The following CSPP1 variants were observed in gnomAD, a reference collection of about 807,000 sequenced individuals.
CSPP1 encodes the protein centrosome and spindle pole associated protein 1, also known as centrosome and spindle pole-associated protein 1.
CSPP1 carries 126 observed loss-of-function variants against 164.4 expected under a neutral mutation model. That is an observed-to-expected ratio of 0.77 (90% confidence interval 0.66 to 0.89). The LOEUF is 0.89. CSPP1 is among the 40% of genes least tolerant of loss of function. The probability of loss-of-function intolerance (pLI) is 0.00; values close to 1 mark genes in which losing one functional copy is unlikely to be tolerated. For synonymous variants in CSPP1, 472 were observed against 476.7 expected (o/e 0.99, Z 0.13); for missense variants, 1,395 against 1,449.8 (o/e 0.96, Z 0.61).
chr8:67,107,647 A>T (rs1364190927), intron 9 of CSPP1, among the ~76,000 whole-genome samples: 1 of 152,214 alleles, frequency 6.6e-6, no homozygotes, highest in Admixed American at 6.5e-5. Flanking sequence ...GAGACAGGAC[A>T]TTCCATCTTC....
chr8:67,150,139 A>G (rs975675340), intron 18 of CSPP1, among the ~76,000 whole-genome samples: 4 of 151,910 alleles, frequency 2.6e-5, no homozygotes, highest in African/African-American at 9.7e-5. Flanking sequence ...ACTTCTTCCT[A>G]CTGTGTTTCT....
intron 19 of CSPP1, among the ~76,000 whole-genome samples, 162 bp from the exon 20 acceptor site, chr8:67,158,285 G>T (rs1563703077): frequency 6.6e-6 from 1 of 152,126 alleles, no homozygotes; most frequent in East Asian, 1.9e-4. Context: ...TAACAGTACA[G>T]TAAATCATGT....
At position 67,167,259 on chromosome 8, in the gene CSPP1, C is replaced by T. The variant is rs186168109; in HGVS notation, c.2828+2751C>T. Among the ~76,000 whole-genome samples, 122 of 152,330 alleles carry T rather than the reference C, an allele frequency of 8.0e-4. 1 individual carries two copies. Among genetic ancestry groups the T allele is most frequent in the African/African-American group, 2.7e-3 (111 of 41,578 alleles). ...TGGGTACACCTCCCAGACGGGGTGGCGGCTGGGCAGAGGGGCTCCTCACTT... is the reference window on the plus strand; with the variant it reads ...TGGGTACACCTCCCAGACGGGGTGGTGGCTGGGCAGAGGGGCTCCTCACTT... On this transcript the variant is annotated intron_variant, in intron 24 of 30. Coordinates refer to ENST00000678616, the MANE Select transcript of CSPP1 (RefSeq NM_001382391.1).
intron 1 of CSPP1, among the ~76,000 whole-genome samples, chr8:67,070,355 C>G (rs1402409589): frequency 6.7e-6 from 1 of 150,308 alleles, no homozygotes; most frequent in Non-Finnish European, 1.5e-5. Context: ...CTCAGCTACT[C>G]GGGAGGCTGA....
chr8:67,101,540 G>A (rs1001753864), intron 7 of CSPP1, among the ~76,000 whole-genome samples: 10 of 152,172 alleles, frequency 6.6e-5, no homozygotes, highest in African/African-American at 2.4e-4. Flanking sequence ...AGTGGTAGAA[G>A]TAGGGAATGA....
rs1004840374 is a variant in CSPP1, at chr8:67,186,881, A to G, written c.3221-3769A>G. Among the ~76,000 whole-genome samples the G allele has an allele frequency of 7.9e-5, 12 of 152,234 alleles. No individual in the cohort carries two copies. In the East Asian group the frequency reaches 2.1e-3, roughly 27 times the overall value. On this transcript the variant is annotated intron_variant, in intron 28 of 30. Transcript: ENST00000678616. The stretch of plus-strand genomic sequence containing the variant: ...TCACTTTACAATATGCCAGCAATGT[A>G]CAAGTGAAATTTGAAATTAAAAATT...
rs1281359265 is a variant in CSPP1, at chr8:67,175,639, A to G, written c.3109+203A>G. 5 of 689,728 alleles carry G rather than the reference A, an allele frequency of 7.2e-6. No individual in the cohort carries two copies. The African/African-American group carries it at 8.8e-5, about 12-fold the overall frequency. 42.7% of individuals were successfully genotyped at this position (689,728 alleles called of 1,614,324 possible). A position where few individuals can be genotyped will look rare whatever the true frequency, so the allele number is the denominator to read the frequency against. On this transcript the variant is annotated intron_variant, in intron 26 of 30. Transcript: ENST00000678616. ...GTGGCTCCACTAGGGTGGTGTATTC[A>G]TGCATGAGAGGGGCCCAGTCATTCA...
chr8:67,142,127 C>G (rs1235159943), intron 17 of CSPP1, among the ~76,000 whole-genome samples: 2 of 152,132 alleles, frequency 1.3e-5, no homozygotes, highest in Non-Finnish European at 1.5e-5. Flanking sequence ...AAATATTTCT[C>G]ATTTTAATTA....
At chr8:67,073,779 T>C (rs911609883) in intron 1 of CSPP1, among the ~76,000 whole-genome samples, 12 of 152,216 alleles carry the variant, frequency 7.9e-5, no homozygotes, top group African/African-American at 2.9e-4. Flanking sequence ...ATGGAGAGAA[T>C]GACCTTGTGT....
rs1227416562 is a variant in CSPP1, at chr8:67,165,701, C to T, written c.2828+1193C>T. On this transcript the variant is annotated intron_variant, in intron 24 of 30. Transcript: ENST00000678616. Reference sequence around the variant, plus strand: ...TGGAAAGAAGAGCACAGGCATTGTTCTGACATCACATCATCACATTGTATC... The same window carrying T: ...TGGAAAGAAGAGCACAGGCATTGTTTTGACATCACATCATCACATTGTATC... Among the ~76,000 whole-genome samples, 5 of 152,220 alleles carry T rather than the reference C, an allele frequency of 3.3e-5. 1 individual carries two copies. The highest frequency in any genetic ancestry group is 1.2e-4 in the African/African-American group (5 of 41,452).
At chr8:67,151,207 G>C (rs917879177) in intron 18 of CSPP1, among the ~76,000 whole-genome samples, 2 of 152,082 alleles carry the variant, frequency 1.3e-5, no homozygotes, top group African/African-American at 4.8e-5. Context: ...TGCTTTCTTT[G>C]TTCTACAATA....
chr8:67,159,846 CTTTCTTTTTCTT>C (rs1340955382), intron 21 of CSPP1, among the ~76,000 whole-genome samples: 7 of 121,050 alleles, frequency 5.8e-5, no homozygotes, highest in Non-Finnish European at 9.5e-5. Context: ...TTCTTTCTTT[CTTTCTTTTTCTT>C]TCTTTCTTTC....
rs528357182 is a variant in CSPP1, at chr8:67,158,977, TTTTTA to T, written c.2392-8_2392-4del. 843 of 1,582,104 alleles carry T rather than the reference TTTTTA, an allele frequency of 5.3e-4. 3 individuals carry two copies. The highest frequency in any genetic ancestry group is 4.9e-3 in the Middle Eastern group (28 of 5,668). On this transcript the variant is annotated splice_polypyrimidine_tract_variant and intron_variant, in intron 20 of 30. Transcript: ENST00000678616. ...GGAATATATGGAATGCATATTTCTCTTTTTATTTTAAAGCAAAGGCTAAAAAATGA... is the reference window on the plus strand; with the variant it reads ...GGAATATATGGAATGCATATTTCTCTTTTTAAAGCAAAGGCTAAAAAATGA...
At chr8:67,106,131 A>G (rs548562485) in intron 9 of CSPP1, among the ~76,000 whole-genome samples, 156 bp downstream of exon 9, 3 of 152,270 alleles carry the variant, frequency 2.0e-5, no homozygotes, top group Non-Finnish European at 2.9e-5. Flanking sequence ...TAATCATTTA[A>G]CATATATAGC....
In CSPP1 at chr8:67,195,444, A is replaced by G. The variant is rs776007873; in HGVS notation, c.3532A>G (p.Asn1178Asp). Reference protein sequence around the residue: ...IMKHIGDDGSNSVATEPWLRP... With the variant: ...IMKHIGDDGSDSVATEPWLRP... ...GAAACACATAGGGGATGACGGATCA[A>G]ACTCTGTAGCAACTGAGCCCTGGCT... is the stretch of plus-strand genomic sequence containing the variant. The change falls in exon 31 of 31, where the codon AAC becomes GAC. Residue 1178 changes from asparagine (N) to aspartate (D), a missense_variant. Physicochemically the swap from Asn to Asp is conservative, Grantham distance 23 (BLOSUM62 1). Transcript: ENST00000678616. 29 of 1,614,094 alleles carry G rather than the reference A, an allele frequency of 1.8e-5. No individual in the cohort carries two copies. Among genetic ancestry groups the G allele is most frequent in the Middle Eastern group, 1.6e-4 (1 of 6,078 alleles).
chr8:67,188,856 C>T (rs1835410702), intron 28 of CSPP1, among the ~76,000 whole-genome samples: 1 of 152,164 alleles, frequency 6.6e-6, no homozygotes, highest in South Asian at 2.1e-4. Flanking sequence ...CACTGGGTTC[C>T]ACGGTTCTCT....
chr8:67,103,142 T>C lies in CSPP1; in HGVS notation c.1022+7T>C. The C allele has an allele frequency of 1.3e-6, 2 of 1,510,322 alleles. No individual in the cohort carries two copies. Among genetic ancestry groups the C allele is most frequent in the Non-Finnish European group, 1.8e-6 (2 of 1,087,288 alleles). The allele number at this position is 1,510,322 out of a possible 1,614,324, so 93.6% of individuals were successfully genotyped here. A position where few individuals can be genotyped will look rare whatever the true frequency, so the allele number is the denominator to read the frequency against. Reference sequence around the variant, plus strand: ...CATCTGCTGAAAATAAAAGGTACAGTATGTAATATAAATTCTCTGCTTTAG... The same window carrying C: ...CATCTGCTGAAAATAAAAGGTACAGCATGTAATATAAATTCTCTGCTTTAG... On this transcript the variant is annotated splice_region_variant and intron_variant, in intron 8 of 30. Transcript: ENST00000678616.
intron 3 of CSPP1, chr8:67,080,892 G>A (rs763569020): frequency 2.6e-5 from 4 of 152,236 alleles, no homozygotes; most frequent in Non-Finnish European, 5.9e-5. Flanking sequence ...CTAAGCCTGA[G>A]TGTCCAGAGT....
chr8:67,144,464 G>T (rs989810858), intron 17 of CSPP1, among the ~76,000 whole-genome samples: 3 of 152,102 alleles, frequency 2.0e-5, no homozygotes, highest in African/African-American at 7.2e-5. Flanking sequence ...TTTTGAGACA[G>T]AGTCTTGCTC....
Sources: allele counts gnomAD v4.1 joint callset (sites outside exome capture counted in the v4.1 genomes callset), GRCh38; gene constraint gnomAD v4.1.1; transcripts MANE v1.5; gene names NCBI Gene and HGNC (gene_info 2026-07-23, HGNC 2026-07-21).